The following ERN1 variants were observed in gnomAD, a reference collection of about 807,000 sequenced individuals.
The protein encoded by ERN1 is endoplasmic reticulum to nucleus signaling 1, also known as serine/threonine-protein kinase/endoribonuclease IRE1.
ERN1 carries 39 observed loss-of-function variants against 113.1 expected under a neutral mutation model. That is an observed-to-expected ratio of 0.34 (90% CI 0.27 to 0.45). The LOEUF is 0.45. Among genes scored for constraint, ERN1 ranks in the 20% least tolerant of loss-of-function variants. ERN1 has a pLI of 1.00. For synonymous variants in ERN1, 507 were observed against 515.9 expected, an observed-to-expected ratio of 0.98 and a Z score of 0.23; for missense variants, 976 against 1,274.8, an observed-to-expected ratio of 0.77 and a Z score of 3.57.
intron 1 of ERN1, among the ~76,000 whole-genome samples, chr17:64,119,213 G>A (rs775573159): frequency 4.0e-5 from 6 of 151,840 alleles, no homozygotes; most frequent in African/African-American, 7.3e-5. Context: ...TTACAATTCA[G>A]TAACTAAATA....
At chr17:64,095,568 C>T (rs1291376646) in intron 2 of ERN1, among the ~76,000 whole-genome samples, 2 of 152,216 alleles carry the variant, frequency 1.3e-5, no homozygotes, top group Non-Finnish European at 2.9e-5. Context: ...TCTCACCCTT[C>T]CCATCCCTCC....
rs1912934686 is a variant in ERN1 at position 64,058,059 on chromosome 17, T to C, written c.1207-66A>G. 5.6e-6 allele frequency: 7 copies of C among 1,243,164 alleles called. No individual in the cohort carries two copies. In the East Asian group the frequency reaches 1.8e-4, roughly 32 times the overall value. 77.0% of individuals were successfully genotyped at this position (1,243,164 alleles called of 1,614,324 possible). A position where few individuals can be genotyped will look rare whatever the true frequency, so the allele number is the denominator to read the frequency against. ...AGCCAGATACAGATGAGGCCAGCAA[T>C]CAAGAGAAGCAATCACTGTTTACAA... is the stretch of plus-strand genomic sequence containing the variant. On this transcript the variant is annotated intron_variant, in intron 11 of 21. Coordinates refer to ENST00000433197, the MANE Select transcript of ERN1 (RefSeq NM_001433.5).
chr17:64,068,558 ATGT>A (rs1386217796), intron 6 of ERN1, among the ~76,000 whole-genome samples: 3 of 152,328 alleles, frequency 2.0e-5, no homozygotes, highest in African/African-American at 7.2e-5. Context: ...AAGCAATAGA[ATGT>A]TGTTGTTAGC....
chr17:64,127,928 A>G (rs572373839), intron 1 of ERN1, among the ~76,000 whole-genome samples: 7 of 152,118 alleles, frequency 4.6e-5, no homozygotes, highest in Non-Finnish European at 8.8e-5. Flanking sequence ...TTCATTTACA[A>G]TTTTAAAATA....
At chr17:64,053,203 G>A (rs1912743199) in intron 16 of ERN1, 69 bp downstream of exon 16, 3 of 1,340,828 alleles carry the variant, frequency 2.2e-6, no homozygotes, top group South Asian at 2.8e-5. Flanking sequence ...CCGAGCTACT[G>A]GTTAGCCCCA....
At chr17:64,058,836 C>T (rs1442924912) in intron 11 of ERN1, among the ~76,000 whole-genome samples, 1 of 152,112 alleles carries the variant, frequency 6.6e-6, no homozygotes, top group Non-Finnish European at 1.5e-5. Context: ...GTTCTTCTCT[C>T]CCCTCCAGGT....
chr17:64,106,765 A>AC (rs1375890884), intron 1 of ERN1, among the ~76,000 whole-genome samples: 15 of 39,692 alleles, frequency 3.8e-4, no homozygotes, highest in East Asian at 1.5e-3. Flanking sequence ...CACACACACA[A>AC]GCTCGCTGTC....
intron 11 of ERN1, among the ~76,000 whole-genome samples, chr17:64,060,143 C>A (rs1157060968): frequency 6.6e-6 from 1 of 152,096 alleles, no homozygotes; most frequent in Non-Finnish European, 1.5e-5. Flanking sequence ...CTGGGCACAC[C>A]AGCATTCTTC....
At chr17:64,091,454 A>G (rs887019867) in intron 2 of ERN1, among the ~76,000 whole-genome samples, 1 of 152,240 alleles carries the variant, frequency 6.6e-6, no homozygotes, top group Non-Finnish European at 1.5e-5. Context: ...GGCTGCCCAG[A>G]GCCCCAGTAA....
At chr17:64,098,660 G>A (rs925655272) in intron 1 of ERN1, 5 of 479,254 alleles carry the variant, frequency 1.0e-5, no homozygotes, top group African/African-American at 9.9e-5. Context: ...ATTTTAAAAA[G>A]CAAAGAATTA....
rs1433834126 is a variant in ERN1 at position 64,129,985 on chromosome 17, GGGCAGCAGCAGCGTCAGC to G, written c.27_44del (p.Leu10_Pro15del). The G allele has an allele frequency of 6.9e-7, 1 of 1,449,410 alleles. No individual in the cohort carries two copies. 89.8% of individuals were successfully genotyped at this position (1,449,410 alleles called of 1,614,324 possible). On this transcript the variant is annotated inframe_deletion, in exon 1 of 22. Transcript: ENST00000433197. ...CTCCCCGGTCACTCACCCCGAGGCCGGGCAGCAGCAGCGTCAGCAGCAGCAGCAGCCGCCGGGCCGGCA... is the reference window on the plus strand; with the variant it reads ...CTCCCCGGTCACTCACCCCGAGGCCGAGCAGCAGCAGCCGCCGGGCCGGCA...
chr17:64,122,419 G>A (rs1914977892), intron 1 of ERN1, among the ~76,000 whole-genome samples: 1 of 152,144 alleles, frequency 6.6e-6, no homozygotes, highest in African/African-American at 2.4e-5. Context: ...AGACTCATTG[G>A]ACTACATGGC....
At chr17:64,071,813 C>T (rs1305270406) in intron 6 of ERN1, among the ~76,000 whole-genome samples, 168 bp downstream of exon 6, 4 of 152,080 alleles carry the variant, frequency 2.6e-5, no homozygotes, top group Non-Finnish European at 5.9e-5. Flanking sequence ...GGACTGTATC[C>T]CTTGCACACT....
intron 4 of ERN1, among the ~76,000 whole-genome samples, chr17:64,077,903 AC>A (rs1913647250): frequency 1.3e-5 from 2 of 151,988 alleles, no homozygotes; most frequent in Non-Finnish European, 2.9e-5. Context: ...CCGCCACCGC[AC>A]CTGGCTAATT....
At chr17:64,094,766 C>T (rs1435151890) in intron 2 of ERN1, among the ~76,000 whole-genome samples, 2 of 152,066 alleles carry the variant, frequency 1.3e-5, no homozygotes, top group Non-Finnish European at 2.9e-5. Flanking sequence ...CAGACTCCCA[C>T]CCCAACCTGG....
chr17:64,044,966 T>C lies in ERN1; in HGVS notation c.2654-39A>G, dbSNP rs1912465371. 2 of 1,374,528 alleles carry C rather than the reference T, an allele frequency of 1.5e-6. No homozygotes were observed. The highest frequency in any genetic ancestry group is 1.0e-6 in the Non-Finnish European group (1 of 982,638). The allele number at this position is 1,374,528 out of a possible 1,614,324, so 85.1% of individuals were successfully genotyped here. A position where few individuals can be genotyped will look rare whatever the true frequency, so the allele number is the denominator to read the frequency against. On this transcript the variant is annotated intron_variant, in intron 20 of 21. Transcript: ENST00000433197. The surrounding 1 kb of genome is among the most constrained non-coding windows in gnomAD (Gnocchi z 4.1). The stretch of plus-strand genomic sequence containing the variant: ...GAGGGAAGCAATGGGTAATCAAATT[T>C]AAAACTAATACATTTTAAAAGAAAA...
intron 1 of ERN1, among the ~76,000 whole-genome samples, chr17:64,101,230 G>A (rs879520678): frequency 5.9e-5 from 9 of 152,140 alleles, no homozygotes; most frequent in African/African-American, 4.8e-5. Context: ...CCAACATGGC[G>A]AAACCTCGTC....
In ERN1 at chr17:64,045,466, A is replaced by G; in HGVS notation, c.2546T>C (p.Ile849Thr). 6.2e-7 allele frequency: 1 copy of G among 1,613,832 alleles called. No homozygotes were observed. Among genetic ancestry groups the G allele is most frequent in the Non-Finnish European group, 8.5e-7 (1 of 1,179,858 alleles). The change falls in exon 20 of 22, where the codon ATA (isoleucine) becomes ACA (threonine). Residue 849 changes from isoleucine to threonine, a missense_variant. By Grantham distance (89) the Ile-to-Thr change is moderately conservative (BLOSUM62 -1). Transcript: ENST00000433197. ...CGGGCCATCCAGGGATTCCTTTTCTATTCTGTCGCTCACGTCCTGTGAGAG... is the reference window on the plus strand; with the variant it reads ...CGGGCCATCCAGGGATTCCTTTTCTGTTCTGTCGCTCACGTCCTGTGAGAG... ...LQFFQDVSDR[I>T]EKESLDGPIV...
intron 6 of ERN1, 77 bp from the exon 7 acceptor site, chr17:64,068,368 A>T (rs196940): frequency 2.0e-5 from 20 of 1,022,346 alleles, no homozygotes; most frequent in Middle Eastern, 2.2e-4. Context: ...TTATCTAATT[A>T]TAACAAACAA....
Sources: allele counts gnomAD v4.1 joint callset (sites outside exome capture counted in the v4.1 genomes callset), GRCh38; gene constraint gnomAD v4.1.1; non-coding constraint Gnocchi (gnomAD v3.1); transcripts MANE v1.5; gene names NCBI Gene and HGNC (gene_info 2026-07-23, HGNC 2026-07-21).